Variants in ALDH7A1 observed in about 807,000 individuals in gnomAD.
ALDH7A1 encodes the protein aldehyde dehydrogenase 7 family member A1, also known as alpha-aminoadipic semialdehyde dehydrogenase.
ALDH7A1 carries 63 observed loss-of-function variants against 79.9 expected under a neutral mutation model. That is an observed-to-expected ratio of 0.79 (90% CI 0.64 to 0.97). The LOEUF is 0.97. Among genes scored for constraint, ALDH7A1 ranks in the 50% least tolerant of loss-of-function variants. The probability of loss-of-function intolerance (pLI) is 0.00; values close to 1 mark genes in which losing one functional copy is unlikely to be tolerated. For missense variants in ALDH7A1, 627 were observed against 665.2 expected (o/e 0.94, Z 0.63); for synonymous variants, 240 against 231.2 (o/e 1.04, Z -0.34).
At chr5:126,581,785 C>G (rs1751184131) in intron 5 of ALDH7A1, 1 of 177,786 alleles carries the variant, frequency 5.6e-6, no homozygotes, top group Non-Finnish European at 1.2e-5. Context: ...CAAGAGCAGC[C>G]TGGCCAGGAT....
rs1411926169 is a variant in ALDH7A1, at chr5:126,543,409, A to G, written c.*1556T>C. ...CCTCACCCATGATTTCTTCCTGCCAACCTTCTCTCAATAGCTATATCAGTA... is the reference window on the plus strand; with the variant it reads ...CCTCACCCATGATTTCTTCCTGCCAGCCTTCTCTCAATAGCTATATCAGTA... On this transcript the variant is annotated 3_prime_UTR_variant, in exon 18 of 18. Coordinates refer to ENST00000409134, the MANE Select transcript of ALDH7A1 (RefSeq NM_001182.5). 6.6e-6 allele frequency: 1 copy of G among 152,108 alleles called. No individual in the cohort carries two copies. The highest frequency in any genetic ancestry group is 2.4e-5 in the African/African-American group (1 of 41,422). 9.4% of individuals were successfully genotyped at this position (152,108 alleles called of 1,614,324 possible).
chr5:126,551,705 A>G (rs1449419198), intron 14 of ALDH7A1, among the ~76,000 whole-genome samples: 2 of 152,120 alleles, frequency 1.3e-5, no homozygotes, highest in African/African-American at 4.8e-5. Flanking sequence ...CAAACTATCC[A>G]GTACCACGGT....
At chr5:126,574,545 A>G (rs745753943) in intron 7 of ALDH7A1, among the ~76,000 whole-genome samples, 17 of 151,136 alleles carry the variant, frequency 1.1e-4, no homozygotes, top group Non-Finnish European at 2.5e-4. Context: ...AACACAAAAA[A>G]TTAGCTGGGT....
In ALDH7A1 at chr5:126,559,320, C is replaced by A; in HGVS notation, c.928G>T (p.Asp310Tyr). Residue 310 changes from aspartate to tyrosine, a missense_variant, in exon 11 of 18, where the codon GAC becomes TAC. Asp to Tyr is a radical substitution (Grantham distance 160). Coordinates refer to ENST00000409134, the MANE Select transcript of ALDH7A1 (RefSeq NM_001182.5). ...NNAIIAFEDA[D>Y]LSLVVPSALF... is the part of the protein sequence containing the mutation. ...GCTGATGGAACAACTAAGCTGAGGT[C>A]TGCATCTTCAAAGGCTTAGGAAAGC... The A allele has an allele frequency of 6.2e-7, 1 of 1,613,704 alleles. No individual in the cohort carries two copies. The highest frequency in any genetic ancestry group is 8.5e-7 in the Non-Finnish European group (1 of 1,179,794).
intron 5 of ALDH7A1, among the ~76,000 whole-genome samples, chr5:126,579,371 G>A (rs893155360): frequency 6.6e-6 from 1 of 152,126 alleles, no homozygotes; most frequent in African/African-American, 2.4e-5. Flanking sequence ...GCACTCATGA[G>A]GCTGGGTTAG....
intron 16 of ALDH7A1, among the ~76,000 whole-genome samples, chr5:126,547,747 T>C (rs1182669687): frequency 3.9e-5 from 6 of 152,180 alleles, no homozygotes; most frequent in Admixed American, 3.9e-4. Context: ...AATTTGCTTT[T>C]TTCTTTTAGT....
intron 9 of ALDH7A1, among the ~76,000 whole-genome samples, chr5:126,563,117 AG>A: frequency 6.6e-6 from 1 of 152,228 alleles, no homozygotes; most frequent in Non-Finnish European, 1.5e-5. Flanking sequence ...ACCATTTTTA[AG>A]TAAATTTTAT....
At chr5:126,586,553 A>G (rs1335878497) in intron 3 of ALDH7A1, 2 of 152,204 alleles carry the variant, frequency 1.3e-5, no homozygotes, top group Non-Finnish European at 2.9e-5. Flanking sequence ...CTGACAGTCC[A>G]TGGGGGTGAT....
chr5:126,594,643 T>C (rs189161199), intron 1 of ALDH7A1, among the ~76,000 whole-genome samples: 159 of 151,812 alleles, frequency 1.0e-3, no homozygotes, highest in African/African-American at 3.6e-3. Context: ...ACAAGGTTTC[T>C]CCATGTCGGT....
chr5:126,578,117 T>C lies in ALDH7A1; in HGVS notation c.518-906A>G, dbSNP rs571359904. On this transcript the variant is annotated intron_variant, in intron 5 of 17. Coordinates refer to ENST00000409134, the MANE Select transcript of ALDH7A1 (RefSeq NM_001182.5). ...CAGCCTGGCCAACATGGTGAAACCC[T>C]GTCTCTACTGAAAAAACAAAAATTA... Among the ~76,000 whole-genome samples the C allele has an allele frequency of 8.0e-5, 12 of 149,464 alleles. No homozygotes were observed. The South Asian group carries it at 2.7e-3, about 33-fold the overall frequency.
intron 11 of ALDH7A1, among the ~76,000 whole-genome samples, chr5:126,558,375 A>G (rs971554867): frequency 6.6e-6 from 1 of 152,168 alleles, no homozygotes; most frequent in Non-Finnish European, 1.5e-5. Flanking sequence ...CTTAATATTA[A>G]TCTGTCCTCT....
rs74419541 is a variant in ALDH7A1, at chr5:126,572,349, C to G, written c.696-1490G>C. 1.3e-3 allele frequency among the ~76,000 whole-genome samples: 200 copies of G among 152,322 alleles called. 2 individuals are homozygous for G. Among genetic ancestry groups the G allele is most frequent in the African/African-American group, 4.4e-3 (182 of 41,572 alleles). On this transcript the variant is annotated intron_variant, in intron 7 of 17. Coordinates refer to ENST00000409134, the MANE Select transcript of ALDH7A1 (RefSeq NM_001182.5). ...AGACCAGGTTTCAGGATGTACAATT[C>G]TTCCCAGGGACTCCGGGTGTCTATA...
chr5:126,564,977 A>G (rs1358002410), intron 9 of ALDH7A1, among the ~76,000 whole-genome samples: 1 of 152,156 alleles, frequency 6.6e-6, no homozygotes, highest in African/African-American at 2.4e-5. Context: ...TACTATTACT[A>G]CTTAGCCAAG....
chr5:126,556,620 T>C (rs978958567), intron 11 of ALDH7A1, among the ~76,000 whole-genome samples: 12 of 152,296 alleles, frequency 7.9e-5, no homozygotes, highest in Admixed American at 4.6e-4. Flanking sequence ...AGGCCTCAAG[T>C]ACATGTGTCC....
intron 5 of ALDH7A1, among the ~76,000 whole-genome samples, chr5:126,579,686 G>C (rs1399756389): frequency 6.6e-6 from 1 of 152,110 alleles, no homozygotes; most frequent in Non-Finnish European, 1.5e-5. Flanking sequence ...AGCTAGGTGT[G>C]GTGGCTCATG....
At position 126,561,316 on chromosome 5, in the gene ALDH7A1, A is replaced by G. The variant is rs370126778; in HGVS notation, c.872-192T>C. On this transcript the variant is annotated intron_variant, in intron 9 of 17. Coordinates refer to ENST00000409134, the MANE Select transcript of ALDH7A1 (RefSeq NM_001182.5). Reference sequence around the variant, plus strand: ...TTTTTCAACTTATTTTCTAATTTATAAAGTAGCATTACTATTGTATCAATA... The same window carrying G: ...TTTTTCAACTTATTTTCTAATTTATGAAGTAGCATTACTATTGTATCAATA... The G allele has an allele frequency of 9.8e-3, 4,051 of 411,802 alleles. 36 individuals are homozygous for G. The highest frequency in any genetic ancestry group is 0.023 in the South Asian group (371 of 16,268). The allele number at this position is 411,802 out of a possible 1,614,324, so 25.5% of individuals were successfully genotyped here.
intron 14 of ALDH7A1, among the ~76,000 whole-genome samples, chr5:126,551,320 CT>C (rs10666972): frequency 1.2e-3 from 181 of 145,486 alleles, no homozygotes; most frequent in Admixed American, 1.2e-3. Context: ...AACTATAGGT[CT>C]TTTTTTTTTT....
In ALDH7A1 at chr5:126,583,967, C is replaced by CAT; in HGVS notation, c.356_357dup (p.Ala120MetfsTer10). 6.2e-7 allele frequency: 1 copy of CAT among 1,614,224 alleles called. No homozygotes were observed. Among genetic ancestry groups the CAT allele is most frequent in the Non-Finnish European group, 8.5e-7 (1 of 1,180,036 alleles). The stretch of plus-strand genomic sequence containing the variant: ...AGTACTTGGATCTTCTCCCGCAAGG[C>CAT]ATCGCCAATCTGTCTTACTATTTCT... On this transcript the variant is annotated frameshift_variant, in exon 4 of 18. Coordinates refer to ENST00000409134, the MANE Select transcript of ALDH7A1 (RefSeq NM_001182.5). LOFTEE classifies it high-confidence loss of function.
intron 12 of ALDH7A1, chr5:126,554,838 G>T: frequency 3.5e-6 from 1 of 289,846 alleles, no homozygotes; most frequent in Non-Finnish European, 6.6e-6. Flanking sequence ...ATAATTCAAG[G>T]GGGAAGAGAA....
Sources: allele counts gnomAD v4.1 joint callset (sites outside exome capture counted in the v4.1 genomes callset), GRCh38; gene constraint gnomAD v4.1.1; transcripts MANE v1.5; gene names NCBI Gene and HGNC (gene_info 2026-07-23, HGNC 2026-07-21).